The following ANO7 variants were observed in gnomAD, a reference collection of about 807,000 sequenced individuals.
ANO7 encodes anoctamin-7.
Under a neutral mutation model 115.8 loss-of-function variants are expected in ANO7, and 114 were observed. That is an observed-to-expected ratio of 0.98 (90% CI 0.85 to 1.15). ANO7 has a LOEUF of 1.15. Ranked by LOEUF, ANO7 falls within the 50% of genes most tolerant of loss-of-function variation. The pLI, the probability that ANO7 is intolerant of heterozygous loss-of-function variation, is 0.00. For missense variants in ANO7, 1,302 were observed against 1,201.2 expected, an observed-to-expected ratio of 1.08 and a Z score of -1.24; for synonymous variants, 550 against 498.2, an observed-to-expected ratio of 1.10 and a Z score of -1.38.
At chr2:241,239,343 C>A in the ANO7 span, among the ~76,000 whole-genome samples, 1 of 152,126 alleles carries the variant, frequency 6.6e-6, no homozygotes, top group Non-Finnish European at 1.5e-5. The surrounding 1 kb of genome is among the most constrained non-coding windows in gnomAD (Gnocchi z 4.6). Flanking sequence ...TTTCCTCTCT[C>A]TCTCTCCCCT....
chr2:241,191,212 G>T lies in ANO7; in HGVS notation c.127G>T (p.Ala43Ser), dbSNP rs754998661. 9 of 1,613,762 alleles carry T rather than the reference G, an allele frequency of 5.6e-6. No homozygotes were observed. In the African/African-American group the frequency reaches 9.3e-5, roughly 17 times the overall value. ...HASEPGGQQA[A>S]ACRAGSPAKP... is the part of the protein sequence containing the mutation. ...CTTCCAGCCAGGTGGACAGCAAGCG[G>T]CCGCCTGCAGAGCTGGGAGTCCTGC... The change falls in exon 3 of 25, where the codon GCC becomes TCC. Residue 43 changes from alanine (A) to serine (S), a missense_variant. Transcript: ENST00000674324.
intron 18 of ANO7, 143 bp from the exon 19 acceptor site, chr2:241,215,950 C>G: frequency 9.5e-7 from 1 of 1,048,178 alleles, no homozygotes; most frequent in Non-Finnish European, 1.4e-6. Flanking sequence ...GCGTCCACCC[C>G]TCAGCCCCAG....
chr2:241,229,264 A>C (rs1341142570), downstream of ANO7: 3 of 281,344 alleles, frequency 1.1e-5, no homozygotes, highest in African/African-American at 4.5e-5. Flanking sequence ...TGACACAGGA[A>C]GTGGAATCCT....
At chr2:241,202,437 A>C in intron 8 of ANO7, 133 bp downstream of exon 8, 4 of 689,388 alleles carry the variant, frequency 5.8e-6, no homozygotes, top group Non-Finnish European at 7.4e-6. Flanking sequence ...AGAACACTAA[A>C]TGCACACACA....
At position 241,213,603 on chromosome 2, in the gene ANO7, G is replaced by T. The variant is rs1175874896; in HGVS notation, c.1728+977G>T. ...AGAAGCCCTCAAAACTGTTCCCGAC[G>T]CACAGCCCCTCCTGGGTGAGGGCCA... On this transcript the variant is annotated intron_variant, in intron 17 of 24. Coordinates refer to ENST00000674324, the MANE Select transcript of ANO7 (RefSeq NM_001370694.2). Among the ~76,000 whole-genome samples the T allele has an allele frequency of 2.0e-5, 3 of 152,234 alleles. No individual in the cohort carries two copies. In the East Asian group the frequency reaches 5.8e-4, roughly 29 times the overall value.
Position 241,204,975 on chromosome 2 carries a change from A to G in ANO7, c.980+20A>G. The G allele has an allele frequency of 6.2e-7, 1 of 1,610,710 alleles. No homozygotes were observed. Among genetic ancestry groups the G allele is most frequent in the Non-Finnish European group, 8.5e-7 (1 of 1,177,148 alleles). ...ACCCACGTGAGTGTTCCCTCTCCGCAGCTCTGGGGCCTGGTGCTGGGCCTC... is the reference window on the plus strand; with the variant it reads ...ACCCACGTGAGTGTTCCCTCTCCGCGGCTCTGGGGCCTGGTGCTGGGCCTC... On this transcript the variant is annotated intron_variant, in intron 10 of 24. Transcript: ENST00000674324.
the ANO7 span, among the ~76,000 whole-genome samples, chr2:241,232,262 T>A: frequency 2.0e-5 from 3 of 151,024 alleles, no homozygotes; most frequent in Non-Finnish European, 4.4e-5. Flanking sequence ...ATAGTCTAAT[T>A]GCTAAACAAT....
rs757188668 is a variant in ANO7 at position 241,218,255 on chromosome 2, T to A, written c.2195T>A (p.Phe732Tyr). The change falls in exon 21 of 25, where the codon TTC (phenylalanine) becomes TAC (tyrosine). Residue 732 changes from phenylalanine to tyrosine, a missense_variant. Transcript: ENST00000674324. Reference protein sequence around the residue: ...AVISNAFLLAFSSDFLPRAYY... With the variant: ...AVISNAFLLAYSSDFLPRAYY... ...GGCGCCCAGGCCTTCCTCCTGGCCTTCTCGTCCGACTTCCTGCCGCGCGCC... is the reference window on the plus strand; with the variant it reads ...GGCGCCCAGGCCTTCCTCCTGGCCTACTCGTCCGACTTCCTGCCGCGCGCC... The A allele has an allele frequency of 2.0e-6, 3 of 1,526,144 alleles. No homozygotes were observed. In the Admixed American group the frequency reaches 5.7e-5, roughly 29 times the overall value. 94.5% of individuals were successfully genotyped at this position (1,526,144 alleles called of 1,614,324 possible).
Position 241,225,746 on chromosome 2 carries a change from GA to G in ANO7, c.*1595del, listed in dbSNP as rs1340610484. Among the ~76,000 whole-genome samples, 2 of 152,174 alleles carry G rather than the reference GA, an allele frequency of 1.3e-5. No individual in the cohort carries two copies. Among genetic ancestry groups the G allele is most frequent in the African/African-American group, 4.8e-5 (2 of 41,436 alleles). ...AGGAGCACTGTGCCCTGCCTCCATG[GA>G]AGGGCTCTTCCGGCAGGGATGCAGG... On this transcript the variant is annotated 3_prime_UTR_variant, in exon 25 of 25. Transcript: ENST00000674324.
At chr2:241,217,493 G>A in intron 19 of ANO7, 193 bp from the exon 20 acceptor site, 1 of 627,728 alleles carries the variant, frequency 1.6e-6, no homozygotes, top group Non-Finnish European at 2.7e-6. Flanking sequence ...CAGGACAGCC[G>A]GCCTGAGGCC....
At position 241,214,394 on chromosome 2, in the gene ANO7, C is replaced by T. The variant is rs554071414; in HGVS notation, c.1729-411C>T. On this transcript the variant is annotated intron_variant, in intron 17 of 24. Transcript: ENST00000674324. ...TGCCCTGCAGTGCGGCCGACACTCT[C>T]GGACTTAGCACCCCTTGCAAGGCAC... Among the ~76,000 whole-genome samples, 97 of 152,352 alleles carry T rather than the reference C, an allele frequency of 6.4e-4. 1 individual carries two copies. In the South Asian group the frequency reaches 0.02, roughly 31 times the overall value.
chr2:241,189,201 G>GGGGCCA (rs2068129348), intron 1 of ANO7, among the ~76,000 whole-genome samples: 1 of 151,332 alleles, frequency 6.6e-6, no homozygotes, highest in South Asian at 2.1e-4. Flanking sequence ...GGCCGGGGCC[G>GGGGCCA]AGTCCTAACA....
intron 4 of ANO7, 69 bp from the exon 5 acceptor site, chr2:241,199,247 T>A: frequency 7.4e-7 from 1 of 1,348,092 alleles, no homozygotes; most frequent in Non-Finnish European, 1.1e-6. Context: ...AGAGTGCGAA[T>A]GGACACACAC....
rs781683321 is a variant in ANO7, at chr2:241,188,704, C to A, written c.-70C>A. Reference sequence around the variant, plus strand: ...TGAGGACGGGACTCTACTGCCGAGACCAGGCTCACGCTGAGAGGTGGGCCA... The same window carrying A: ...TGAGGACGGGACTCTACTGCCGAGAACAGGCTCACGCTGAGAGGTGGGCCA... On this transcript the variant is annotated 5_prime_UTR_variant, in exon 1 of 25. Transcript: ENST00000674324. The surrounding 1 kb of genome is among the most constrained non-coding windows in gnomAD (Gnocchi z 4.3). 20 of 1,613,528 alleles carry A rather than the reference C, an allele frequency of 1.2e-5. No homozygotes were observed. The highest frequency in any genetic ancestry group is 1.4e-5 in the Non-Finnish European group (17 of 1,179,952).
chr2:241,200,412 G>C (rs1456643594), intron 6 of ANO7, among the ~76,000 whole-genome samples, 187 bp downstream of exon 6: 2 of 152,258 alleles, frequency 1.3e-5, no homozygotes, highest in South Asian at 2.1e-4. Context: ...AGCCGGGCTG[G>C]GGCGGTTGTG....
the ANO7 span, chr2:241,231,416 A>G: frequency 1.3e-5 from 2 of 153,220 alleles, no homozygotes; most frequent in Non-Finnish European, 2.9e-5. Flanking sequence ...AACACCCCAC[A>G]AAAAACCTAT....
intron 16 of ANO7, 130 bp downstream of exon 16, chr2:241,212,335 C>T (rs1161966395): frequency 1.3e-5 from 13 of 970,244 alleles, no homozygotes; most frequent in Admixed American, 2.0e-5. Context: ...GAGACCCAGG[C>T]AGGGGACAGG....
chr2:241,223,092 T>C (rs1011323413), intron 21 of ANO7, 94 bp from the exon 22 acceptor site: 8 of 1,114,364 alleles, frequency 7.2e-6, no homozygotes, highest in Non-Finnish European at 1.1e-5. Context: ...GAGAGCGAAA[T>C]GGTGGAAAAA....
In ANO7 at chr2:241,224,141, G is replaced by T. The variant is rs563055493; in HGVS notation, c.2628G>T (p.Gln876His). The change falls in exon 25 of 25, where the codon CAG (glutamine) becomes CAT (histidine). Residue 876 changes from glutamine (Q) to histidine (H), a missense_variant. By Grantham distance (24) the Gln-to-His change is conservative. Coordinates refer to ENST00000674324, the MANE Select transcript of ANO7 (RefSeq NM_001370694.2). Reference protein sequence around the residue: ...WTPFTVPKASQLQQ With the variant: ...WTPFTVPKASHLQQ ...CCTTCACGGTTCCCAAGGCCAGCCA[G>T]CTGCAGCAGTGACGCCTGGAAGGAC... 1 of 1,599,658 alleles carries T rather than the reference G, an allele frequency of 6.3e-7. No individual in the cohort carries two copies. The highest frequency in any genetic ancestry group is 8.6e-7 in the Non-Finnish European group (1 of 1,167,530).
Sources: allele counts gnomAD v4.1 joint callset (sites outside exome capture counted in the v4.1 genomes callset), GRCh38; gene constraint gnomAD v4.1.1; non-coding constraint Gnocchi (gnomAD v3.1); transcripts MANE v1.5; gene names NCBI Gene and HGNC (gene_info 2026-07-23, HGNC 2026-07-21).